IMMP2L: variants seen among roughly 807,000 people sequenced by gnomAD.
IMMP2L encodes inner mitochondrial membrane peptidase subunit 2, also known as mitochondrial inner membrane protease subunit 2.
IMMP2L carries 18 observed loss-of-function variants against 19.3 expected under a neutral mutation model. The observed-to-expected ratio is 0.93, with a 90% CI of 0.64 to 1.38. The LOEUF (loss-of-function observed/expected upper bound fraction) is 1.38. Ranked by LOEUF, IMMP2L falls within the 40% of genes most tolerant of loss-of-function variation. IMMP2L has a pLI of 0.00. For missense variants in IMMP2L, 233 were observed against 218.2 expected (o/e 1.07, Z -0.43); for synonymous variants, 76 against 73.0 (o/e 1.04, Z -0.21).
intron 3 of IMMP2L, among the ~76,000 whole-genome samples, chr7:111,474,362 T>C (rs568533411): frequency 4.6e-5 from 7 of 152,188 alleles, no homozygotes; most frequent in African/African-American, 1.4e-4. Context: ...CACAATATGA[T>C]AAAGTGTGCT....
intron 3 of IMMP2L, among the ~76,000 whole-genome samples, chr7:111,017,189 G>A (rs1411063620): frequency 6.6e-6 from 1 of 150,430 alleles, no homozygotes; most frequent in East Asian, 2.0e-4. Context: ...TGCCTCAGCT[G>A]CCTGAGTAGC....
chr7:110,935,633 C>A (rs1363285335), intron 4 of IMMP2L, among the ~76,000 whole-genome samples: 1 of 151,930 alleles, frequency 6.6e-6, no homozygotes, highest in Non-Finnish European at 1.5e-5. Context: ...TTCAGGTACA[C>A]CAAAAAATTG....
chr7:110,908,295 G>T (rs890466575), intron 4 of IMMP2L, among the ~76,000 whole-genome samples: 1 of 152,016 alleles, frequency 6.6e-6, no homozygotes. Flanking sequence ...ACTAAACCAC[G>T]CAGGTACACT....
chr7:111,089,148 T>C (rs1426579514), intron 3 of IMMP2L, among the ~76,000 whole-genome samples: 1 of 152,190 alleles, frequency 6.6e-6, no homozygotes, highest in Non-Finnish European at 1.5e-5. Context: ...TATAAATGGC[T>C]ACCTTTAACA....
At chr7:110,677,675 T>C (rs1792413334) in intron 5 of IMMP2L, among the ~76,000 whole-genome samples, 1 of 151,744 alleles carries the variant, frequency 6.6e-6, no homozygotes, top group South Asian at 2.1e-4. Flanking sequence ...AGAACTATGC[T>C]GAAGGCAAAC....
At chr7:110,809,669 C>A (rs1025785076) in intron 5 of IMMP2L, among the ~76,000 whole-genome samples, 1 of 151,914 alleles carries the variant, frequency 6.6e-6, no homozygotes, top group Non-Finnish European at 1.5e-5. Context: ...TTTCTCAAAT[C>A]TCCTAGAAAA....
Position 110,663,227 on chromosome 7 carries a change from A to G in IMMP2L, c.*375T>C, listed in dbSNP as rs1791200593. 1 of 194,728 alleles carries G rather than the reference A, an allele frequency of 5.1e-6. No homozygotes were observed. Among genetic ancestry groups the G allele is most frequent in the African/African-American group, 2.4e-5 (1 of 41,666 alleles). 12.1% of individuals were successfully genotyped at this position (194,728 alleles called of 1,614,324 possible). ...AATACATCATTTTTATTGAATATTA[A>G]TTTTCAATTTATTTCAGCAGCAAGC... On this transcript the variant is annotated 3_prime_UTR_variant, in exon 6 of 6. Transcript: ENST00000405709.
chr7:110,729,872 C>G (rs1435604725), intron 5 of IMMP2L, among the ~76,000 whole-genome samples: 4 of 151,872 alleles, frequency 2.6e-5, no homozygotes, highest in African/African-American at 7.3e-5. Context: ...ACACATCTAC[C>G]TATGTAACAA....
intron 2 of IMMP2L, among the ~76,000 whole-genome samples, chr7:111,501,694 C>G (rs932384473): frequency 6.6e-6 from 1 of 152,110 alleles, no homozygotes; most frequent in Non-Finnish European, 1.5e-5. Flanking sequence ...AAAGAATTTT[C>G]AACCCAGAAT....
intron 4 of IMMP2L, among the ~76,000 whole-genome samples, chr7:110,895,427 T>C (rs1811227305): frequency 6.6e-6 from 1 of 152,188 alleles, no homozygotes; most frequent in Non-Finnish European, 1.5e-5. Context: ...ATGATAATTG[T>C]GGCTTTATAG....
At chr7:110,853,135 T>C (rs1422824982) in intron 5 of IMMP2L, among the ~76,000 whole-genome samples, 1 of 151,196 alleles carries the variant, frequency 6.6e-6, no homozygotes, top group Non-Finnish European at 1.5e-5. Context: ...TATATCTGAG[T>C]ACACACACAC....
intron 1 of IMMP2L, among the ~76,000 whole-genome samples, chr7:111,561,405 A>AT (rs1248277100): frequency 6.6e-6 from 1 of 152,074 alleles, no homozygotes; most frequent in African/African-American, 2.4e-5. Context: ...GTCCTAAAGG[A>AT]TTTTTTCAGG....
rs1391509189 is a variant in IMMP2L at position 111,557,591 on chromosome 7, C to A, written c.-3+4260G>T. 2.6e-5 allele frequency among the ~76,000 whole-genome samples: 4 copies of A among 152,146 alleles called. No individual in the cohort carries two copies. In the South Asian group the frequency reaches 8.3e-4, roughly 32 times the overall value. On this transcript the variant is annotated intron_variant, in intron 1 of 5. Coordinates refer to ENST00000405709, the MANE Select transcript of IMMP2L (RefSeq NM_032549.4). ...GCTCAAACACAACCACTACTAAAAC[C>A]CTTACCTGGTATTGCAGGCAGAGAT... is the stretch of plus-strand genomic sequence containing the variant.
intron 5 of IMMP2L, among the ~76,000 whole-genome samples, chr7:110,869,417 C>T (rs1394776803): frequency 6.6e-6 from 1 of 151,962 alleles, no homozygotes; most frequent in African/African-American, 2.4e-5. Flanking sequence ...TAGTTAGTTC[C>T]ACTATATCCA....
chr7:111,093,513 C>G (rs1181726629), intron 3 of IMMP2L, among the ~76,000 whole-genome samples: 1 of 152,064 alleles, frequency 6.6e-6, no homozygotes, highest in African/African-American at 2.4e-5. Flanking sequence ...AGACCTTTTC[C>G]AGGGAAAGTT....
At chr7:110,895,282 T>C (rs1312918623) in intron 4 of IMMP2L, among the ~76,000 whole-genome samples, 2 of 152,126 alleles carry the variant, frequency 1.3e-5, no homozygotes, top group Non-Finnish European at 2.9e-5. Context: ...TCCCATGACA[T>C]GTGGGAATTG....
intron 3 of IMMP2L, among the ~76,000 whole-genome samples, chr7:111,055,443 C>T (rs180980980): frequency 6.6e-6 from 1 of 152,310 alleles, no homozygotes; most frequent in East Asian, 1.9e-4. Context: ...GCCCTTACTT[C>T]CTCTTTGGAA....
At chr7:110,718,069 T>C (rs1795339205) in intron 5 of IMMP2L, among the ~76,000 whole-genome samples, 1 of 152,110 alleles carries the variant, frequency 6.6e-6, no homozygotes, top group African/African-American at 2.4e-5. Flanking sequence ...GAGGAATTAG[T>C]TTAGGACCAA....
intron 4 of IMMP2L, among the ~76,000 whole-genome samples, chr7:110,912,032 G>A (rs911389357): frequency 1.3e-5 from 2 of 152,030 alleles, no homozygotes; most frequent in Non-Finnish European, 1.5e-5. Context: ...ACATTTCAAA[G>A]GTGTCTGTCT....
Sources: allele counts gnomAD v4.1 joint callset (sites outside exome capture counted in the v4.1 genomes callset), GRCh38; gene constraint gnomAD v4.1.1; transcripts MANE v1.5; gene names NCBI Gene and HGNC (gene_info 2026-07-23, HGNC 2026-07-21).